Variants in MED1 observed in about 807,000 individuals in gnomAD.
MED1 encodes mediator of RNA polymerase II transcription subunit 1.
Under a neutral mutation model 121.3 loss-of-function variants are expected in MED1, and 17 were observed. The observed-to-expected ratio is 0.14, with a 90% confidence interval of 0.10 to 0.21. The LOEUF (loss-of-function observed/expected upper bound fraction) is 0.21. MED1 is among the 10% of genes least tolerant of loss of function. MED1 has a pLI of 1.00. For missense variants in MED1, 1,558 were observed against 1,919.4 expected, an observed-to-expected ratio of 0.81 and a Z score of 3.52; for synonymous variants, 661 against 694.4, an observed-to-expected ratio of 0.95 and a Z score of 0.76.
chr17:39,406,066 T>A lies in MED1; in HGVS notation c.*1409A>T, dbSNP rs2048300837. 1 of 985,518 alleles carries A rather than the reference T, an allele frequency of 1.0e-6. No homozygotes were observed. Among genetic ancestry groups the A allele is most frequent in the Non-Finnish European group, 1.2e-6 (1 of 829,932 alleles). 61.0% of individuals were successfully genotyped at this position (985,518 alleles called of 1,614,324 possible). A position where few individuals can be genotyped will look rare whatever the true frequency, so the allele number is the denominator to read the frequency against. On this transcript the variant is annotated 3_prime_UTR_variant, in exon 17 of 17. Transcript: ENST00000300651. Reference sequence around the variant, plus strand: ...AGAGGACCCTCCAAATACTGAGAACTTCTGTTGCACTCGAAACAGTCTCCT... The same window carrying A: ...AGAGGACCCTCCAAATACTGAGAACATCTGTTGCACTCGAAACAGTCTCCT...
At chr17:39,434,697 C>T (rs927097166) in intron 6 of MED1, among the ~76,000 whole-genome samples, 3 of 152,150 alleles carry the variant, frequency 2.0e-5, no homozygotes, top group Admixed American at 6.6e-5. Context: ...CGGGGTTTCC[C>T]GATGTTGCCC....
chr17:39,444,151 G>A (rs2048704665), intron 2 of MED1, among the ~76,000 whole-genome samples: 1 of 152,076 alleles, frequency 6.6e-6, no homozygotes, highest in South Asian at 2.1e-4. Flanking sequence ...AATTTAACAA[G>A]GTGATTTGCA....
chr17:39,435,165 G>T (rs1046380400), intron 6 of MED1, among the ~76,000 whole-genome samples: 4 of 151,942 alleles, frequency 2.6e-5, no homozygotes, highest in African/African-American at 9.7e-5. Context: ...AAGACTGTGT[G>T]TCAAAAAAAG....
intron 13 of MED1, among the ~76,000 whole-genome samples, chr17:39,421,620 T>G (rs2048466107): frequency 6.6e-6 from 1 of 151,918 alleles, no homozygotes; most frequent in Non-Finnish European, 1.5e-5. Flanking sequence ...ACTCCTGAGC[T>G]CAAGTGATCT....
intron 2 of MED1, 72 bp from the exon 3 acceptor site, chr17:39,443,700 T>A: frequency 8.3e-7 from 1 of 1,209,078 alleles, no homozygotes; most frequent in Non-Finnish European, 1.2e-6. Flanking sequence ...ACATACACAT[T>A]ATCCTAGTAG....
At chr17:39,422,860 TTTC>T (rs1165791132) in intron 13 of MED1, among the ~76,000 whole-genome samples, 2 of 111,406 alleles carry the variant, frequency 1.8e-5, no homozygotes, top group South Asian at 4.5e-4. Flanking sequence ...ATTTCCGAGA[TTTC>T]TTTTTTTTTT....
At position 39,405,715 on chromosome 17, in the gene MED1, A is replaced by G; in HGVS notation, c.*1760T>C. 1.0e-6 allele frequency: 1 copy of G among 992,444 alleles called. No homozygotes were observed. The highest frequency in any genetic ancestry group is 1.2e-6 in the Non-Finnish European group (1 of 834,388). The allele number at this position is 992,444 out of a possible 1,614,324, so 61.5% of individuals were successfully genotyped here. A position where few individuals can be genotyped will look rare whatever the true frequency, so the allele number is the denominator to read the frequency against. ...CTACATCTTATTACCTTGGGACACA[A>G]AAGTGGCAGAGTTGTTGAGAGCTGA... On this transcript the variant is annotated 3_prime_UTR_variant, in exon 17 of 17. Transcript: ENST00000300651.
intron 7 of MED1, among the ~76,000 whole-genome samples, chr17:39,432,946 G>A (rs551057254): frequency 3.3e-5 from 5 of 152,028 alleles, no homozygotes; most frequent in South Asian, 2.1e-4. Flanking sequence ...AATGTCTCAC[G>A]CCTATAATCC....
chr17:39,431,597 T>C (rs756608368), intron 8 of MED1, among the ~76,000 whole-genome samples: 28 of 152,190 alleles, frequency 1.8e-4, no homozygotes, highest in Non-Finnish European at 3.4e-4. Context: ...TATAATACTA[T>C]CATAATGGTT....
intron 3 of MED1, 113 bp downstream of exon 3, chr17:39,443,437 C>T: frequency 2.6e-6 from 2 of 767,976 alleles, no homozygotes; most frequent in Non-Finnish European, 4.4e-6. Context: ...AGAGCAATAT[C>T]TAATACATAA....
chr17:39,406,804 T>G lies in MED1; in HGVS notation c.*671A>C. On this transcript the variant is annotated 3_prime_UTR_variant, in exon 17 of 17. Transcript: ENST00000300651. ...CCATATAAGCCTTGCTCTTCGGCCT[T>G]CCATCATTTTGAACCCTAAACCTCA... 4.1e-6 allele frequency: 4 copies of G among 985,534 alleles called. No homozygotes were observed. The highest frequency in any genetic ancestry group is 4.8e-6 in the Non-Finnish European group (4 of 829,946). The allele number at this position is 985,534 out of a possible 1,614,324, so 61.0% of individuals were successfully genotyped here.
intron 6 of MED1, among the ~76,000 whole-genome samples, chr17:39,437,929 C>T (rs1210323695): frequency 2.6e-5 from 4 of 151,540 alleles, no homozygotes; most frequent in African/African-American, 9.7e-5. Context: ...AGTAAATCTC[C>T]GTCTCACCAA....
chr17:39,414,633 CCTTTTTTT>C (rs2048389024), intron 16 of MED1, among the ~76,000 whole-genome samples: 2 of 113,450 alleles, frequency 1.8e-5, no homozygotes, highest in African/African-American at 7.3e-5. Flanking sequence ...CCAGGCCCGG[CCTTTTTTT>C]TTTTTTTTTT....
chr17:39,441,589 G>A (rs577660626), intron 3 of MED1, among the ~76,000 whole-genome samples: 2 of 152,200 alleles, frequency 1.3e-5, no homozygotes, highest in East Asian at 1.9e-4. Flanking sequence ...GACCAACGTG[G>A]TGAAACCCTG....
chr17:39,426,331 CA>C (rs2048515041), intron 10 of MED1, among the ~76,000 whole-genome samples: 1 of 152,038 alleles, frequency 6.6e-6, no homozygotes, highest in Admixed American at 6.6e-5. Flanking sequence ...CCTGTAGTCC[CA>C]GCTACTTGGG....
rs2048597981 is a variant in MED1 at position 39,434,303 on chromosome 17, T to A, written c.446A>T (p.Glu149Val). Residue 149 changes from glutamate to valine, a missense_variant, in exon 7 of 17, where the codon GAA becomes GTA. Around this residue, in one of 5 missense-constraint regions of MED1, gnomAD observed 443 missense variants for 532.4 expected, o/e 0.83. Coordinates refer to ENST00000300651, the MANE Select transcript of MED1 (RefSeq NM_004774.4). The part of the protein sequence containing the change: ...VQQLREKNFD[E>V]FSKHLKGLVN... ...AAGGCCCTTAAGGTGCTTAGAAAAT[T>A]CATCAAAATTTTTTTCCCTATAAGG... 2 of 1,566,084 alleles carry A rather than the reference T, an allele frequency of 1.3e-6. No homozygotes were observed. The highest frequency in any genetic ancestry group is 2.0e-5 in the Admixed American group (1 of 49,812).
rs1449548927 is a variant in MED1, at chr17:39,407,430, T to C, written c.*45A>G. ...GGTGGTTTGCCTATAAACTTATCAA[T>C]AGTTTTTTTTCCTCTGGCCCTGTTT... is the stretch of plus-strand genomic sequence containing the variant. On this transcript the variant is annotated 3_prime_UTR_variant, in exon 17 of 17. Transcript: ENST00000300651. 7 of 1,547,478 alleles carry C rather than the reference T, an allele frequency of 4.5e-6. No individual in the cohort carries two copies. Among genetic ancestry groups the C allele is most frequent in the Admixed American group, 4.1e-5 (2 of 48,504 alleles).
At chr17:39,419,940 C>G in intron 13 of MED1, 22 bp from the exon 14 acceptor site, 1 of 1,606,208 alleles carries the variant, frequency 6.2e-7, no homozygotes, top group Non-Finnish European at 8.5e-7. Context: ...GAACAGTTAA[C>G]GAGTGCTATT....
At chr17:39,426,586 G>C (rs1351296526) in intron 10 of MED1, among the ~76,000 whole-genome samples, 2 of 152,244 alleles carry the variant, frequency 1.3e-5, no homozygotes, top group African/African-American at 4.8e-5. Flanking sequence ...CCAGGCTGGA[G>C]TGCAATGGCA....
Sources: gnomAD v4.1 joint callset for allele counts (sites outside exome capture counted in the v4.1 genomes callset) on GRCh38, gnomAD v4.1.1 for gene constraint, gnomAD v4.1.1 regional missense constraint, MANE v1.5 for transcripts, NCBI Gene and HGNC (gene_info 2026-07-23, HGNC 2026-07-21) for gene names.